Variants in CKM observed in about 807,000 individuals in gnomAD.
CKM encodes creatine kinase, M-type.
In CKM, 28 loss-of-function variants were observed where a neutral mutation model predicts 35.4. The ratio of observed to expected loss-of-function variants is 0.79; its 90% CI spans 0.59 to 1.08. The LOEUF is 1.08. CKM is among the 50% of genes least tolerant of loss of function. The probability of loss-of-function intolerance (pLI) is 0.00; values close to 1 mark genes in which losing one functional copy is unlikely to be tolerated. For missense variants in CKM, 484 were observed against 509.8 expected, an observed-to-expected ratio of 0.95 and a Z score of 0.49; for synonymous variants, 215 against 204.4, an observed-to-expected ratio of 1.05 and a Z score of -0.44.
At chr19:45,311,069 C>A (rs1241711497) in intron 5 of CKM, among the ~76,000 whole-genome samples, 4 of 148,922 alleles carry the variant, frequency 2.7e-5, no homozygotes, top group Non-Finnish European at 5.9e-5. Flanking sequence ...CGTGAGCCAC[C>A]GCGCCTGGCT....
intron 4 of CKM, 50 bp from the exon 5 acceptor site, chr19:45,311,970 G>C: frequency 2.5e-6 from 4 of 1,604,416 alleles, no homozygotes; most frequent in Non-Finnish European, 3.4e-6. Context: ...ACCTCAACCA[G>C]GGTGTGGAGG....
Position 45,306,782 on chromosome 19 carries a change from A to G in CKM, c.1114T>C (p.Ser372Pro), listed in dbSNP as rs757715478. The G allele has an allele frequency of 1.2e-6, 2 of 1,614,132 alleles. No homozygotes were observed. The highest frequency in any genetic ancestry group is 2.2e-5 in the East Asian group (1 of 44,870). Residue 372 changes from serine to proline, a missense_variant, in exon 8 of 8, where the codon TCC becomes CCC. Transcript: ENST00000221476. The surrounding 1 kb of genome is among the most constrained non-coding windows in gnomAD (Gnocchi z 4.5). The part of the protein sequence containing the change: ...EMEKKLEKGQ[S>P]IDDMIPAQK ...TGGGCGGGGATCATGTCGTCAATGGACTGGCCTTTCTCCAACTTCTTCTCC... is the reference window on the plus strand; with the variant it reads ...TGGGCGGGGATCATGTCGTCAATGGGCTGGCCTTTCTCCAACTTCTTCTCC...
intron 4 of CKM, among the ~76,000 whole-genome samples, chr19:45,313,626 C>G (rs1332698870): frequency 6.6e-6 from 1 of 152,164 alleles, no homozygotes; most frequent in Non-Finnish European, 1.5e-5. Flanking sequence ...GCAGGCAGAT[C>G]ACCTGAGATC....
Position 45,306,967 on chromosome 19 carries a change from A to G in CKM, c.968-39T>C, listed in dbSNP as rs763625410. The stretch of plus-strand genomic sequence containing the variant: ...GGACAGGGGCGTGAAGAGGCAGCGA[A>G]GGTGCAGAGGGGCTGGGACGTGGCC... On this transcript the variant is annotated intron_variant, in intron 7 of 7. Transcript: ENST00000221476. This position sits in a 1 kb window ranked among gnomAD's most constrained non-coding sequence, Gnocchi z 4.5. The G allele has an allele frequency of 1.9e-6, 3 of 1,607,542 alleles. No individual in the cohort carries two copies. Among genetic ancestry groups the G allele is most frequent in the Non-Finnish European group, 2.5e-6 (3 of 1,177,432 alleles).
Position 45,310,613 on chromosome 19 carries a change from G to A in CKM, c.653+1136C>T, listed in dbSNP as rs1311100659. Among the ~76,000 whole-genome samples the A allele has an allele frequency of 3.9e-5, 6 of 152,090 alleles. No homozygotes were observed. In the South Asian group the frequency reaches 8.3e-4, roughly 21 times the overall value. On this transcript the variant is annotated intron_variant, in intron 5 of 7. Coordinates refer to ENST00000221476, the MANE Select transcript of CKM (RefSeq NM_001824.5). Reference sequence around the variant, plus strand: ...GCTGGGATTTGAACCTAGGGAGTACGGTTCAAGTCTGAGTTCTTATTTTTG... The same window carrying A: ...GCTGGGATTTGAACCTAGGGAGTACAGTTCAAGTCTGAGTTCTTATTTTTG...
Position 45,308,012 on chromosome 19 carries a change from C to T in CKM, c.778-362G>A, listed in dbSNP as rs146856314. On this transcript the variant is annotated intron_variant, in intron 6 of 7. Coordinates refer to ENST00000221476, the MANE Select transcript of CKM (RefSeq NM_001824.5). ...CCGAGTAGCTGGGACTACAGGCGCG[C>T]GCCACTACGCCTGGATAATTTATTT... Among the ~76,000 whole-genome samples, 636 of 152,038 alleles carry T rather than the reference C, an allele frequency of 4.2e-3. 15 individuals carry two copies. In the East Asian group the frequency reaches 0.081, roughly 19 times the overall value.
intron 4 of CKM, among the ~76,000 whole-genome samples, chr19:45,313,387 C>T (rs929066626): frequency 1.3e-5 from 2 of 152,124 alleles, no homozygotes; most frequent in Admixed American, 6.6e-5. Flanking sequence ...TGTGTGTGCT[C>T]GGACTGCCCC....
intron 1 of CKM, among the ~76,000 whole-genome samples, chr19:45,320,890 CTATTAT>C (rs61014137): frequency 2.1e-5 from 3 of 146,220 alleles, no homozygotes; most frequent in Non-Finnish European, 4.5e-5. Context: ...CACTTAGCTG[CTATTAT>C]TATTATTATT....
intron 2 of CKM, among the ~76,000 whole-genome samples, chr19:45,318,549 C>T (rs766483039): frequency 6.6e-6 from 1 of 152,004 alleles, no homozygotes; most frequent in Non-Finnish European, 1.5e-5. Context: ...GAAAGGGGAG[C>T]TTCAGAGGGT....
At position 45,311,472 on chromosome 19, in the gene CKM, C is replaced by G. The variant is rs186037721; in HGVS notation, c.653+277G>C. Among the ~76,000 whole-genome samples the G allele has an allele frequency of 1.5e-3, 232 of 151,798 alleles. 2 individuals carry two copies. Among genetic ancestry groups the G allele is most frequent in the African/African-American group, 5.5e-3 (228 of 41,378 alleles). On this transcript the variant is annotated intron_variant, in intron 5 of 7. Transcript: ENST00000221476. ...AACTCCTGACCTCAAGTGATCCCCC[C>G]GCCTTGGCCTCGCAAAGTGCAGGGA...
chr19:45,317,167 G>T (rs2123142373), intron 3 of CKM, among the ~76,000 whole-genome samples: 1 of 152,050 alleles, frequency 6.6e-6, no homozygotes, highest in East Asian at 1.9e-4. Context: ...GAGTGCAGTG[G>T]CATGATCTCA....
intron 3 of CKM, 131 bp downstream of exon 3, chr19:45,317,694 T>C: frequency 9.5e-7 from 1 of 1,056,338 alleles, no homozygotes; most frequent in Non-Finnish European, 1.4e-6. Context: ...TGTCCCTCTC[T>C]CTTTCCATCT....
intron 5 of CKM, among the ~76,000 whole-genome samples, chr19:45,310,452 A>G (rs1971097500): frequency 6.6e-6 from 1 of 152,108 alleles, no homozygotes; most frequent in Non-Finnish European, 1.5e-5. Context: ...ACATAAATTA[A>G]CTCATTTAAT....
At chr19:45,311,643 A>G in intron 5 of CKM, 106 bp downstream of exon 5, 1 of 930,270 alleles carries the variant, frequency 1.1e-6, no homozygotes, top group African/African-American at 1.6e-5. Context: ...TTAGAAGATC[A>G]TAATTACGTA....
Position 45,311,837 on chromosome 19 carries a change from C to T in CKM, c.565G>A (p.Asp189Asn), listed in dbSNP as rs755569873. Reference sequence around the variant, plus strand: ...GGCTTGTCGAACAGGAAGTGGTCATCGATGAGCTGCTGCTGCTCCTTCTCC... The same window carrying T: ...GGCTTGTCGAACAGGAAGTGGTCATTGATGAGCTGCTGCTGCTCCTTCTCC... ...MTEKEQQQLIDDHFLFDKPVS... is the reference protein window; with the variant it reads ...MTEKEQQQLINDHFLFDKPVS... The change falls in exon 5 of 8, where the codon GAT becomes AAT. Residue 189 changes from aspartate to asparagine, a missense_variant. By Grantham distance (23) the Asp-to-Asn change is conservative (BLOSUM62 1). Transcript: ENST00000221476. The T allele has an allele frequency of 1.1e-5, 18 of 1,613,404 alleles. No individual in the cohort carries two copies. The Admixed American group carries it at 1.2e-4, about 10-fold the overall frequency.
In CKM at chr19:45,306,891, G is replaced by A. The variant is rs201733122; in HGVS notation, c.1005C>T (p.Asp335=). 23 of 1,614,152 alleles carry A rather than the reference G, an allele frequency of 1.4e-5. No homozygotes were observed. The highest frequency in any genetic ancestry group is 1.9e-5 in the Non-Finnish European group (23 of 1,180,044). The change falls in exon 8 of 8, where the codon GAC becomes GAT. Residue 335 remains aspartate, a synonymous_variant. Transcript: ENST00000221476. This position sits in a 1 kb window ranked among gnomAD's most constrained non-coding sequence, Gnocchi z 4.5. ...VDTAAVGSVF[D]VSNADRLGSS... is the part of the protein sequence containing the mutation. ...AGCCCAGCCGATCAGCGTTGGACAC[G>A]TCAAATACTGAGCCCACGGCAGCTG...
intron 5 of CKM, 70 bp from the exon 6 acceptor site, chr19:45,308,602 C>A: frequency 2.3e-5 from 36 of 1,558,014 alleles, no homozygotes; most frequent in East Asian, 2.4e-5. Context: ...AGCCCTCCCC[C>A]AAAACATCTG....
chr19:45,322,446 A>T (rs909591488), intron 1 of CKM, among the ~76,000 whole-genome samples: 5 of 152,208 alleles, frequency 3.3e-5, no homozygotes, highest in Non-Finnish European at 7.3e-5. Flanking sequence ...CTGCTAGGCG[A>T]CAGACACACC....
At chr19:45,309,050 AC>A (rs1971082480) in intron 5 of CKM, among the ~76,000 whole-genome samples, 1 of 151,082 alleles carries the variant, frequency 6.6e-6, no homozygotes, top group Non-Finnish European at 1.5e-5. Flanking sequence ...ACACGTCGAA[AC>A]CCTGTCTCTA....
Sources: gnomAD v4.1 joint callset for allele counts (sites outside exome capture counted in the v4.1 genomes callset) on GRCh38, gnomAD v4.1.1 for gene constraint, Gnocchi (gnomAD v3.1) non-coding constraint, MANE v1.5 for transcripts, NCBI Gene and HGNC (gene_info 2026-07-23, HGNC 2026-07-21) for gene names.